Variants in KIF14 observed in about 807,000 individuals in gnomAD.
KIF14 encodes the protein kinesin family member 14.
KIF14 carries 98 observed loss-of-function variants against 176.2 expected under a neutral mutation model. That is an observed-to-expected ratio of 0.56 (90% confidence interval 0.47 to 0.66). KIF14 has a LOEUF of 0.66. Among genes scored for constraint, KIF14 ranks in the 30% least tolerant of loss-of-function variants. KIF14 has a pLI of 0.00. For synonymous variants in KIF14, 566 were observed against 632.2 expected, an observed-to-expected ratio of 0.90 and a Z score of 1.57; for missense variants, 1,751 against 1,920.4, an observed-to-expected ratio of 0.91 and a Z score of 1.65.
At chr1:200,606,319 A>G (rs1659877583) in intron 6 of KIF14, among the ~76,000 whole-genome samples, 1 of 152,036 alleles carries the variant, frequency 6.6e-6, no homozygotes, top group African/African-American at 2.4e-5. Context: ...GCAGTGTTGG[A>G]AAAAAAAGTA....
At chr1:200,564,563 C>T (rs1235628604) in intron 25 of KIF14, among the ~76,000 whole-genome samples, 2 of 152,164 alleles carry the variant, frequency 1.3e-5, no homozygotes, top group African/African-American at 4.8e-5. Context: ...ATTTCCTTGT[C>T]TCTATGTCAG....
At chr1:200,567,647 T>G (rs914426958) in intron 23 of KIF14, among the ~76,000 whole-genome samples, 3 of 152,068 alleles carry the variant, frequency 2.0e-5, no homozygotes, top group Admixed American at 2.0e-4. Context: ...GAAGCTTGAC[T>G]CATTCAGAGC....
At position 200,592,255 on chromosome 1, in the gene KIF14, A is replaced by C; in HGVS notation, c.2653-15T>G. ...ACTCGATCACCCTAAAGCACACAAA[A>C]AAATGTACTACTTGAGGTGAGTCTC... On this transcript the variant is annotated splice_polypyrimidine_tract_variant and intron_variant, in intron 15 of 29. Coordinates refer to ENST00000367350, the MANE Select transcript of KIF14 (RefSeq NM_014875.3). The C allele has an allele frequency of 6.3e-7, 1 of 1,593,030 alleles. No homozygotes were observed. The highest frequency in any genetic ancestry group is 8.5e-7 in the Non-Finnish European group (1 of 1,173,412).
At chr1:200,560,613 A>G (rs991804558) in intron 26 of KIF14, 109 bp downstream of exon 26, 5 of 1,169,796 alleles carry the variant, frequency 4.3e-6, no homozygotes, top group Admixed American at 4.2e-5. Context: ...TAAAAGTACA[A>G]GCTATTTTGA....
intron 27 of KIF14, among the ~76,000 whole-genome samples, chr1:200,557,330 A>C (rs752425433): frequency 6.6e-6 from 1 of 152,214 alleles, no homozygotes; most frequent in Admixed American, 6.5e-5. Flanking sequence ...ACAAAAAAAC[A>C]CAAAGTGAGA....
intron 13 of KIF14, 39 bp from the exon 14 acceptor site, chr1:200,598,460 G>C (rs994900771): frequency 2.0e-6 from 3 of 1,506,438 alleles, no homozygotes; most frequent in Non-Finnish European, 9.0e-7. Context: ...CTTAATCACA[G>C]TATGAAATTG....
chr1:200,588,903 C>T (rs1658898957), intron 18 of KIF14, among the ~76,000 whole-genome samples: 2 of 152,136 alleles, frequency 1.3e-5, no homozygotes, highest in Admixed American at 1.3e-4. Context: ...TTTTTTCCTT[C>T]CTCATATGTG....
At chr1:200,590,083 A>G (rs778081304) in intron 17 of KIF14, 42 bp downstream of exon 17, 4 of 1,570,590 alleles carry the variant, frequency 2.5e-6, no homozygotes, top group East Asian at 2.2e-5. Context: ...CACTTGGGGT[A>G]CACTGTCGGA....
chr1:200,570,764 T>C (rs1657739700), intron 22 of KIF14, among the ~76,000 whole-genome samples: 1 of 152,164 alleles, frequency 6.6e-6, no homozygotes, highest in African/African-American at 2.4e-5. Context: ...TCAACTTTGA[T>C]TTTAGGTTCA....
chr1:200,579,867 C>CA (rs1487805419), intron 21 of KIF14, among the ~76,000 whole-genome samples: 1 of 151,748 alleles, frequency 6.6e-6, no homozygotes, highest in African/African-American at 2.4e-5. Context: ...TGTAAATATG[C>CA]AAAAAGGTAC....
chr1:200,612,041 C>T (rs1558091293), intron 4 of KIF14, among the ~76,000 whole-genome samples: 2 of 150,620 alleles, frequency 1.3e-5, no homozygotes, highest in Admixed American at 6.6e-5. Flanking sequence ...CTTGCTCTGT[C>T]GCCCAGGCTG....
At position 200,617,704 on chromosome 1, in the gene KIF14, A is replaced by C. The variant is rs751942399; in HGVS notation, c.1020T>G (p.Thr340=). 1 of 1,614,208 alleles carries C rather than the reference A, an allele frequency of 6.2e-7. No individual in the cohort carries two copies. Among genetic ancestry groups the C allele is most frequent in the South Asian group, 1.1e-5 (1 of 91,084 alleles). Residue 340 remains threonine (T), a synonymous_variant, in exon 2 of 30, where the codon ACT becomes ACG. Transcript: ENST00000367350. ...AENTILPEEE[T]VVQNTSAGKD... is the part of the protein sequence containing the mutation. Reference sequence around the variant, plus strand: ...TTCCTGCAGAGGTGTTCTGAACTACAGTTTCTTCTTCGGGAAGAATTGTAT... The same window carrying C: ...TTCCTGCAGAGGTGTTCTGAACTACCGTTTCTTCTTCGGGAAGAATTGTAT...
intron 21 of KIF14, among the ~76,000 whole-genome samples, chr1:200,579,609 C>CA (rs35703090): frequency 0.29 from 43,367 of 149,474 alleles, 7,664 homozygotes; most frequent in Non-Finnish European, 0.41. Context: ...AATTCCATTT[C>CA]AAAAAAATAT....
In KIF14 at chr1:200,553,537, T is replaced by C. The variant is rs1656665347; in HGVS notation, c.4798A>G (p.Asn1600Asp). 1 of 1,613,990 alleles carries C rather than the reference T, an allele frequency of 6.2e-7. No homozygotes were observed. ...LLKPWETYNQ[N>D]TKEEHQQSKS... ...GATTGTTGGTGTTCTTCTTTGGTAT[T>C]TTGATTATAAGTTTCCCAGGGTTTC... Residue 1600 changes from asparagine (N) to aspartate (D), a missense_variant, in exon 30 of 30, where the codon AAT (asparagine) becomes GAT (aspartate). Asn to Asp is a conservative substitution (Grantham distance 23). Coordinates refer to ENST00000367350, the MANE Select transcript of KIF14 (RefSeq NM_014875.3).
intron 25 of KIF14, among the ~76,000 whole-genome samples, chr1:200,564,247 T>G (rs1657318651): frequency 1.6e-5 from 2 of 124,282 alleles, no homozygotes; most frequent in African/African-American, 3.2e-5. Flanking sequence ...GTGACAAGAG[T>G]GAGACTCCAG....
chr1:200,615,505 G>A lies in KIF14; in HGVS notation c.1217C>T (p.Ser406Leu). The A allele has an allele frequency of 6.2e-7, 1 of 1,614,002 alleles. No homozygotes were observed. The highest frequency in any genetic ancestry group is 8.5e-7 in the Non-Finnish European group (1 of 1,179,944). Reference protein sequence around the residue: ...KQVYNFIYDVSFWSFDECHPH... With the variant: ...KQVYNFIYDVLFWSFDECHPH... ...ATGACATTCATCAAAAGACCAGAAT[G>A]AAACATCATAAATAAAATTATAAAC... The change falls in exon 3 of 30, where the codon TCA becomes TTA. Residue 406 changes from serine (S) to leucine (L), a missense_variant. Ser to Leu is a moderately radical substitution (Grantham distance 145, BLOSUM62 -2). Transcript: ENST00000367350.
At chr1:200,607,793 C>A (rs762121999) in intron 5 of KIF14, among the ~76,000 whole-genome samples, 1 of 151,998 alleles carries the variant, frequency 6.6e-6, no homozygotes, top group African/African-American at 2.4e-5. Context: ...CCTCTGCCCC[C>A]GGGTTCAAGC....
chr1:200,553,319 A>G lies in KIF14; in HGVS notation c.*69T>C. ...TGATTTCTCTTAAACTCTCCTGCAT[A>G]AAGAAAATTACCGAGCAAGTGTTCT... is the stretch of plus-strand genomic sequence containing the variant. On this transcript the variant is annotated 3_prime_UTR_variant, in exon 30 of 30. Transcript: ENST00000367350. The G allele has an allele frequency of 6.8e-7, 1 of 1,469,322 alleles. No homozygotes were observed. Among genetic ancestry groups the G allele is most frequent in the African/African-American group, 1.4e-5 (1 of 70,788 alleles). The allele number at this position is 1,469,322 out of a possible 1,614,324, so 91.0% of individuals were successfully genotyped here.
intron 4 of KIF14, among the ~76,000 whole-genome samples, chr1:200,612,990 C>T (rs974014682): frequency 2.0e-5 from 3 of 147,926 alleles, no homozygotes; most frequent in African/African-American, 7.5e-5. Flanking sequence ...CTGGTTCAAG[C>T]GATTCTCCTG....
Sources: allele counts gnomAD v4.1 joint callset (sites outside exome capture counted in the v4.1 genomes callset), GRCh38; gene constraint gnomAD v4.1.1; transcripts MANE v1.5; gene names NCBI Gene and HGNC (gene_info 2026-07-23, HGNC 2026-07-21).